GFRA1: variants seen among roughly 807,000 people sequenced by gnomAD.
GFRA1 encodes GDNF family receptor alpha-1.
In GFRA1, 16 loss-of-function variants were observed where a neutral mutation model predicts 51.6. The observed-to-expected ratio is 0.31, with a 90% CI of 0.21 to 0.47. GFRA1 has a LOEUF of 0.47. Ranked by LOEUF, GFRA1 falls within the 20% of genes least tolerant of loss-of-function variation. The pLI, the probability that GFRA1 is intolerant of heterozygous loss-of-function variation, is 1.00. For missense variants in GFRA1, 530 were observed against 594.3 expected (o/e 0.89, Z 1.13); for synonymous variants, 270 against 241.3 (o/e 1.12, Z -1.10).
At chr10:116,271,178 G>C in intron 2 of GFRA1, 63 bp from the exon 3 acceptor site, 8 of 1,447,262 alleles carry the variant, frequency 5.5e-6, no homozygotes, top group East Asian at 2.3e-5. Context: ...CCCCTGCTCC[G>C]GGCGAGGGCG....
intron 6 of GFRA1, among the ~76,000 whole-genome samples, chr10:116,097,962 A>G (rs966871740): frequency 1.3e-5 from 2 of 152,218 alleles, no homozygotes; most frequent in African/African-American, 2.4e-5. Flanking sequence ...AATTTTAACT[A>G]GAAAGGGCAT....
chr10:116,236,696 A>T (rs989975305), intron 4 of GFRA1, among the ~76,000 whole-genome samples: 1 of 152,212 alleles, frequency 6.6e-6, no homozygotes, highest in African/African-American at 2.4e-5. Context: ...TTGAAGAAGG[A>T]GAATGGAAAT....
At chr10:116,167,041 C>T (rs796230243) in intron 5 of GFRA1, among the ~76,000 whole-genome samples, 14 of 151,934 alleles carry the variant, frequency 9.2e-5, no homozygotes, top group African/African-American at 2.9e-4. Context: ...CCTCCTGATC[C>T]GCCCGTCTCG....
intron 3 of GFRA1, 124 bp downstream of exon 3, chr10:116,270,698 G>T: frequency 1.3e-6 from 1 of 776,646 alleles, no homozygotes; most frequent in Non-Finnish European, 2.1e-6. Context: ...GGGGGCCAAG[G>T]AAAGGTCCTC....
intron 6 of GFRA1, among the ~76,000 whole-genome samples, chr10:116,115,708 A>G (rs541218045): frequency 6.6e-6 from 1 of 152,236 alleles, no homozygotes; most frequent in South Asian, 2.1e-4. Context: ...ACATCTTTGA[A>G]AACAGCTGTA....
intron 4 of GFRA1, among the ~76,000 whole-genome samples, chr10:116,262,706 G>A (rs1969383911): frequency 1.3e-5 from 2 of 152,284 alleles, no homozygotes; most frequent in East Asian, 1.9e-4. Flanking sequence ...TGAGGGGCAG[G>A]ACAGGGAGAG....
intron 5 of GFRA1, among the ~76,000 whole-genome samples, chr10:116,205,596 GATATATATATATATATAT>G (rs140642664): frequency 7.1e-6 from 1 of 140,562 alleles, no homozygotes; most frequent in African/African-American, 2.6e-5. Context: ...AAAAAAAAAA[GATATATATATATATATAT>G]ATATATATAT....
At chr10:116,261,800 CA>C (rs1969321734) in intron 4 of GFRA1, among the ~76,000 whole-genome samples, 1 of 152,180 alleles carries the variant, frequency 6.6e-6, no homozygotes, top group Non-Finnish European at 1.5e-5. Context: ...GTAAAAACAG[CA>C]ATTACTTTTG....
chr10:116,146,551 T>C (rs1385092767), intron 5 of GFRA1, among the ~76,000 whole-genome samples: 1 of 152,244 alleles, frequency 6.6e-6, no homozygotes, highest in Non-Finnish European at 1.5e-5. Context: ...TGTTCCTCCA[T>C]GTCATGTTGC....
intron 5 of GFRA1, among the ~76,000 whole-genome samples, chr10:116,175,422 C>G (rs1167455599): frequency 1.3e-5 from 2 of 152,148 alleles, no homozygotes; most frequent in Non-Finnish European, 2.9e-5. Context: ...GGCTGCCTTC[C>G]GCCAAGGACA....
chr10:116,221,931 A>G (rs1444489409), intron 4 of GFRA1, among the ~76,000 whole-genome samples: 3 of 152,178 alleles, frequency 2.0e-5, no homozygotes, highest in Non-Finnish European at 2.9e-5. Context: ...AGGTAAGGTA[A>G]GGACATGGGG....
intron 5 of GFRA1, among the ~76,000 whole-genome samples, chr10:116,140,960 CAA>C (rs1000334755): frequency 2.0e-5 from 3 of 152,166 alleles, no homozygotes; most frequent in African/African-American, 7.2e-5. Context: ...ATTTGAAGAA[CAA>C]AGCTATGCAT....
chr10:116,186,563 A>T (rs1962736161), intron 5 of GFRA1, among the ~76,000 whole-genome samples: 1 of 97,528 alleles, frequency 1.0e-5, no homozygotes. Context: ...GGCAGAGGAA[A>T]GGCTCTTAAA....
At chr10:116,199,880 G>T (rs2577378) in intron 5 of GFRA1, among the ~76,000 whole-genome samples, 47,761 of 152,076 alleles carry the variant, frequency 0.31, 9,114 homozygotes, top group African/African-American at 0.54. Context: ...CAAGTCAATC[G>T]CTACTTTCAT....
chr10:116,274,004 T>C (rs985489363), upstream of GFRA1, among the ~76,000 whole-genome samples: 1 of 152,196 alleles, frequency 6.6e-6, no homozygotes, highest in Non-Finnish European at 1.5e-5. Flanking sequence ...CCCAGCCCAC[T>C]GCATTTAAAC....
At chr10:116,129,566 A>G (rs906740675) in intron 5 of GFRA1, among the ~76,000 whole-genome samples, 1 of 152,134 alleles carries the variant, frequency 6.6e-6, no homozygotes, top group Non-Finnish European at 1.5e-5. Flanking sequence ...AACTAAAGTC[A>G]TATTTCATGG....
At chr10:116,205,379 C>T (rs929094989) in intron 5 of GFRA1, among the ~76,000 whole-genome samples, 1 of 151,882 alleles carries the variant, frequency 6.6e-6, no homozygotes, top group African/African-American at 2.4e-5. Context: ...AGATCAAGAC[C>T]ATCTCGCCAA....
At chr10:116,209,571 G>A (rs1011169812) in intron 5 of GFRA1, among the ~76,000 whole-genome samples, 3 of 152,076 alleles carry the variant, frequency 2.0e-5, no homozygotes, top group Non-Finnish European at 4.4e-5. Flanking sequence ...CCCAGACAAC[G>A]CAGTGGCGTC....
chr10:116,255,461 T>C (rs149644249), intron 4 of GFRA1, among the ~76,000 whole-genome samples: 9 of 152,022 alleles, frequency 5.9e-5, no homozygotes, highest in African/African-American at 9.7e-5. Flanking sequence ...TTTGCAAACA[T>C]TGCATTTTTT....
Sources: allele counts gnomAD v4.1 joint callset (sites outside exome capture counted in the v4.1 genomes callset), GRCh38; gene constraint gnomAD v4.1.1; transcripts MANE v1.5; gene names NCBI Gene and HGNC (gene_info 2026-07-23, HGNC 2026-07-21).